The following PPP1R1C variants were observed in gnomAD, a reference collection of about 807,000 sequenced individuals.
PPP1R1C encodes the protein protein phosphatase 1 regulatory inhibitor subunit 1C, also known as protein phosphatase 1 regulatory subunit 1C.
PPP1R1C carries 15 observed loss-of-function variants against 17.4 expected under a neutral mutation model. That is an observed-to-expected ratio of 0.86 (90% CI 0.58 to 1.33). PPP1R1C has a LOEUF of 1.33. Ranked by LOEUF, PPP1R1C falls within the 40% of genes most tolerant of loss-of-function variation. PPP1R1C has a pLI of 0.00. For missense variants in PPP1R1C, 143 were observed against 130.0 expected, an observed-to-expected ratio of 1.10 and a Z score of -0.48; for synonymous variants, 35 against 43.1, an observed-to-expected ratio of 0.81 and a Z score of 0.73.
intron 2 of PPP1R1C, among the ~76,000 whole-genome samples, chr2:181,980,531 T>C (rs1415714996): frequency 3.3e-5 from 5 of 152,202 alleles, no homozygotes; most frequent in Non-Finnish European, 7.3e-5. Context: ...CATTGAGCTG[T>C]TTCCCCAAAG....
At chr2:182,086,076 G>T (rs1402198450) in intron 4 of PPP1R1C, among the ~76,000 whole-genome samples, 1 of 151,418 alleles carries the variant, frequency 6.6e-6, no homozygotes, top group Non-Finnish European at 1.5e-5. Flanking sequence ...ATTTTATAAA[G>T]AAAAAAACAT....
chr2:182,113,024 A>G (rs1238907707), intron 4 of PPP1R1C, among the ~76,000 whole-genome samples: 1 of 152,172 alleles, frequency 6.6e-6, no homozygotes, highest in Non-Finnish European at 1.5e-5. Context: ...AGTACAGAAT[A>G]TTTCCTTTGT....
intron 4 of PPP1R1C, among the ~76,000 whole-genome samples, chr2:182,076,654 C>T (rs889713960): frequency 1.3e-5 from 2 of 151,972 alleles, no homozygotes; most frequent in African/African-American, 4.8e-5. Context: ...TGATGTAATT[C>T]CCTCTTTGTG....
intron 2 of PPP1R1C, among the ~76,000 whole-genome samples, chr2:182,018,391 C>T (rs1249756564): frequency 6.6e-6 from 1 of 152,050 alleles, no homozygotes. Flanking sequence ...ACAGTAAATG[C>T]TGTAAGTGTT....
At chr2:182,120,511 C>T (rs1176238833), downstream of PPP1R1C, among the ~76,000 whole-genome samples, 3 of 152,106 alleles carry the variant, frequency 2.0e-5, no homozygotes, top group African/African-American at 7.2e-5. Context: ...TTTGTTAAGC[C>T]AAAACTTTCT....
intron 4 of PPP1R1C, among the ~76,000 whole-genome samples, chr2:182,084,065 A>G (rs1011191171): frequency 6.6e-6 from 1 of 151,900 alleles, no homozygotes; most frequent in African/African-American, 2.4e-5. Context: ...TATATCTTCT[A>G]TTGAGAGCTA....
At chr2:182,011,625 T>G (rs1181059390) in intron 2 of PPP1R1C, among the ~76,000 whole-genome samples, 1 of 151,976 alleles carries the variant, frequency 6.6e-6, no homozygotes, top group East Asian at 1.9e-4. Flanking sequence ...TTCTACTGCT[T>G]TGTTCTTTAT....
chr2:182,096,247 C>T (rs928670150), intron 4 of PPP1R1C, among the ~76,000 whole-genome samples: 3 of 152,100 alleles, frequency 2.0e-5, no homozygotes, highest in East Asian at 1.9e-4. Context: ...TTGTTCAGAT[C>T]CTTTTTGGCT....
At position 181,976,223 on chromosome 2, in the gene PPP1R1C, CAGT is replaced by C. The variant is rs1434878609; in HGVS notation, n.157+962_157+964del. ...TATAAGTAAGCGTGTATGTATATGT[CAGT>C]AGGTGTTTAATGCATGAGTACATGC... On this transcript the variant is annotated intron_variant and non_coding_transcript_variant, in intron 2 of 5. Transcript: ENST00000464264. This position sits in a 1 kb window ranked among gnomAD's most constrained non-coding sequence, Gnocchi z 4.8. Among the ~76,000 whole-genome samples, 3 of 151,918 alleles carry C rather than the reference CAGT, an allele frequency of 2.0e-5. No homozygotes were observed. Among genetic ancestry groups the C allele is most frequent in the Non-Finnish European group, 4.4e-5 (3 of 67,940 alleles).
At chr2:182,071,910 A>G (rs758307389) in intron 4 of PPP1R1C, among the ~76,000 whole-genome samples, 4 of 152,236 alleles carry the variant, frequency 2.6e-5, no homozygotes, top group Admixed American at 6.5e-5. Context: ...ACTTTCTGGG[A>G]CTACAAGATT....
chr2:182,047,627 G>C (rs1277703940), intron 2 of PPP1R1C, among the ~76,000 whole-genome samples: 1 of 152,178 alleles, frequency 6.6e-6, no homozygotes, highest in Non-Finnish European at 1.5e-5. Flanking sequence ...TTGTACCAGT[G>C]ATTGAAAAAT....
At chr2:182,031,942 A>G (rs903460362) in intron 2 of PPP1R1C, among the ~76,000 whole-genome samples, 3 of 152,230 alleles carry the variant, frequency 2.0e-5, no homozygotes, top group Non-Finnish European at 2.9e-5. Context: ...TCATAGCCCA[A>G]TCTTAAACTC....
chr2:181,978,788 T>C (rs1685142822), intron 2 of PPP1R1C, among the ~76,000 whole-genome samples: 1 of 152,050 alleles, frequency 6.6e-6, no homozygotes. Context: ...AGACTACAAC[T>C]CTTGGTGGGA....
intron 1 of PPP1R1C, among the ~76,000 whole-genome samples, chr2:181,966,898 AT>A (rs1057328783): frequency 6.6e-6 from 1 of 151,960 alleles, no homozygotes; most frequent in African/African-American, 2.4e-5. Context: ...TCCTTCTTTA[AT>A]TGTTTGGTAA....
intron 2 of PPP1R1C, among the ~76,000 whole-genome samples, chr2:182,014,404 C>G (rs1009360772): frequency 2.6e-5 from 4 of 152,184 alleles, no homozygotes; most frequent in Non-Finnish European, 5.9e-5. Context: ...AACAGAATCT[C>G]TCTCTCTCTG....
At chr2:182,097,555 G>A (rs1021953353) in intron 4 of PPP1R1C, among the ~76,000 whole-genome samples, 4 of 152,088 alleles carry the variant, frequency 2.6e-5, no homozygotes, top group African/African-American at 9.7e-5. Flanking sequence ...AGAATCATTG[G>A]TTCACCCCTT....
At chr2:182,012,998 G>T (rs1365509628) in intron 2 of PPP1R1C, among the ~76,000 whole-genome samples, 1 of 151,952 alleles carries the variant, frequency 6.6e-6, no homozygotes, top group Non-Finnish European at 1.5e-5. Flanking sequence ...AAAAATTGTT[G>T]TAATTATAAT....
chr2:181,961,622 T>A lies in PPP1R1C; in HGVS notation n.111+6988T>A. Reference sequence around the variant, plus strand: ...GTCATCTCAGCATCTCCAACCTTGGTGGACTGCGTAGTGACCACTGTGGTG... The same window carrying A: ...GTCATCTCAGCATCTCCAACCTTGGAGGACTGCGTAGTGACCACTGTGGTG... On this transcript the variant is annotated intron_variant and non_coding_transcript_variant, in intron 1 of 5. Transcript: ENST00000464264. This position sits in a 1 kb window ranked among gnomAD's most constrained non-coding sequence, Gnocchi z 5.8. The A allele has an allele frequency of 2.7e-6, 2 of 742,570 alleles. No homozygotes were observed. The highest frequency in any genetic ancestry group is 2.4e-6 in the Non-Finnish European group (1 of 409,908). The allele number at this position is 742,570 out of a possible 1,614,324, so 46.0% of individuals were successfully genotyped here. A position where few individuals can be genotyped will look rare whatever the true frequency, so the allele number is the denominator to read the frequency against.
intron 4 of PPP1R1C, among the ~76,000 whole-genome samples, chr2:182,092,270 A>G: frequency 6.6e-6 from 1 of 152,174 alleles, no homozygotes. Context: ...TTAAAACCAT[A>G]ACATCTGTGA....
Sources: gnomAD v4.1 joint callset for allele counts (sites outside exome capture counted in the v4.1 genomes callset) on GRCh38, gnomAD v4.1.1 for gene constraint, Gnocchi (gnomAD v3.1) non-coding constraint, MANE v1.5 for transcripts, NCBI Gene and HGNC (gene_info 2026-07-23, HGNC 2026-07-21) for gene names.